The following EMILIN2 variants were observed in gnomAD, a reference collection of about 807,000 sequenced individuals.
EMILIN2 encodes the protein EMILIN-2.
A neutral mutation model predicts 87.1 loss-of-function variants in EMILIN2; 71 were observed. That is an observed-to-expected ratio of 0.82 (90% CI 0.67 to 0.99). EMILIN2 has a LOEUF of 0.99. Ranked by LOEUF, EMILIN2 falls within the 50% of genes least tolerant of loss-of-function variation. EMILIN2 has a pLI of 0.00. For synonymous variants in EMILIN2, 581 were observed against 563.4 expected (o/e 1.03, Z -0.44); for missense variants, 1,407 against 1,371.8 (o/e 1.03, Z -0.40).
chr18:2,858,691 A>G (rs1165396926), intron 2 of EMILIN2, among the ~76,000 whole-genome samples: 1 of 148,470 alleles, frequency 6.7e-6, no homozygotes, highest in African/African-American at 2.5e-5. Flanking sequence ...TCTGGAGTGC[A>G]GTGGCGCCAT....
At chr18:2,869,918 T>G (rs679153) in intron 2 of EMILIN2, among the ~76,000 whole-genome samples, 71,483 of 151,814 alleles carry the variant, frequency 0.47, 17,136 homozygotes, top group Admixed American at 0.51. Flanking sequence ...GAACAACTGA[T>G]ATGGGAAATA....
rs1157815795 is a variant in EMILIN2 at position 2,848,456 on chromosome 18, T to C, written c.257+525T>C. Among the ~76,000 whole-genome samples, 2 of 152,162 alleles carry C rather than the reference T, an allele frequency of 1.3e-5. No individual in the cohort carries two copies. The highest frequency in any genetic ancestry group is 3.9e-4 in the East Asian group (2 of 5,194). On this transcript the variant is annotated intron_variant, in intron 2 of 7. Coordinates refer to ENST00000254528, the MANE Select transcript of EMILIN2 (RefSeq NM_032048.3). This position sits in a 1 kb window ranked among gnomAD's most constrained non-coding sequence, Gnocchi z 4.1. ...CTAAGCTAAAACCTCAGGAACACTTTGCTTAAAAGTGTGGCTCCCCAGCAT... is the reference window on the plus strand; with the variant it reads ...CTAAGCTAAAACCTCAGGAACACTTCGCTTAAAAGTGTGGCTCCCCAGCAT...
chr18:2,910,701 G>A (rs1458319727), intron 7 of EMILIN2, among the ~76,000 whole-genome samples: 3 of 152,170 alleles, frequency 2.0e-5, no homozygotes, highest in East Asian at 3.9e-4. Context: ...GGGAGGGAGG[G>A]GGACTTGGTT....
intron 3 of EMILIN2, among the ~76,000 whole-genome samples, chr18:2,886,031 G>A (rs1175228076): frequency 1.3e-5 from 2 of 152,112 alleles, no homozygotes; most frequent in Admixed American, 6.6e-5. Flanking sequence ...AATATTTAAG[G>A]ATACATAATC....
intron 2 of EMILIN2, among the ~76,000 whole-genome samples, chr18:2,858,761 G>T (rs1396998480): frequency 6.7e-6 from 1 of 150,314 alleles, no homozygotes; most frequent in Non-Finnish European, 1.5e-5. Context: ...TCAGCCTCCC[G>T]AGTAGCTGGG....
chr18:2,907,171 G>T, intron 5 of EMILIN2, 86 bp downstream of exon 5: 2 of 1,205,606 alleles, frequency 1.7e-6, no homozygotes, highest in Non-Finnish European at 2.1e-6. Context: ...GGGCGTGGCG[G>T]TTCGGGGTCC....
At chr18:2,893,226 T>C (rs1468220846) in intron 4 of EMILIN2, among the ~76,000 whole-genome samples, 10 of 152,200 alleles carry the variant, frequency 6.6e-5, no homozygotes, top group Admixed American at 5.2e-4. Context: ...GGTCAGATTT[T>C]TGGCATAACA....
intron 4 of EMILIN2, among the ~76,000 whole-genome samples, chr18:2,899,282 G>GT (rs1331499832): frequency 3.3e-5 from 5 of 152,160 alleles, no homozygotes; most frequent in African/African-American, 4.8e-5. Context: ...GAAAGAGGAG[G>GT]TGGGGGGGAG....
chr18:2,876,644 T>C (rs2076749995), intron 2 of EMILIN2, among the ~76,000 whole-genome samples: 1 of 147,782 alleles, frequency 6.8e-6, no homozygotes, highest in South Asian at 2.4e-4. Context: ...CGGGCGCCTG[T>C]AGTCCCAGCT....
chr18:2,886,039 ATC>A (rs2076801962), intron 3 of EMILIN2, among the ~76,000 whole-genome samples: 1 of 152,274 alleles, frequency 6.6e-6, no homozygotes, highest in South Asian at 2.1e-4. Context: ...AGGATACATA[ATC>A]TCATGACTAA....
rs569186778 is a variant in EMILIN2, at chr18:2,867,395, C to G, written c.258-17569C>G. Among the ~76,000 whole-genome samples, 251 of 151,692 alleles carry G rather than the reference C, an allele frequency of 1.7e-3. 1 individual carries two copies. Among genetic ancestry groups the G allele is most frequent in the African/African-American group, 5.4e-3 (221 of 41,290 alleles). ...ATTGATCATTCTTGGGTGTTTCTCG[C>G]AGAGGGGGATTTGGCAGGGTCATAG... On this transcript the variant is annotated intron_variant, in intron 2 of 7. Coordinates refer to ENST00000254528, the MANE Select transcript of EMILIN2 (RefSeq NM_032048.3).
intron 3 of EMILIN2, among the ~76,000 whole-genome samples, chr18:2,889,247 T>C (rs1388287317): frequency 1.3e-4 from 20 of 151,174 alleles, no homozygotes; most frequent in Non-Finnish European, 2.7e-4. Flanking sequence ...AAGCGATTTT[T>C]CTGTCTCAGC....
rs769344079 is a variant in EMILIN2, at chr18:2,847,797, C to T, written c.135-12C>T. 4.3e-6 allele frequency: 7 copies of T among 1,612,246 alleles called. No individual in the cohort carries two copies. Among genetic ancestry groups the T allele is most frequent in the East Asian group, 4.5e-5 (2 of 44,872 alleles). On this transcript the variant is annotated splice_polypyrimidine_tract_variant and intron_variant, in intron 1 of 7. Transcript: ENST00000254528. This position sits in a 1 kb window ranked among gnomAD's most constrained non-coding sequence, Gnocchi z 4.5. ...ACCCCGTGCCCCTCTCCCTCTCTCT[C>T]CTGCACCCCAGGAACTGGTGCGCCT...
intron 4 of EMILIN2, among the ~76,000 whole-genome samples, chr18:2,901,976 A>T (rs2076889971): frequency 6.6e-6 from 1 of 152,220 alleles, no homozygotes; most frequent in Admixed American, 6.5e-5. Flanking sequence ...GGACTCCCCA[A>T]GGAGATCCAC....
At position 2,847,793 on chromosome 18, in the gene EMILIN2, C is replaced by T. The variant is rs759243205; in HGVS notation, c.135-16C>T. The T allele has an allele frequency of 6.2e-6, 10 of 1,611,728 alleles. No individual in the cohort carries two copies. Among genetic ancestry groups the T allele is most frequent in the Non-Finnish European group, 7.6e-6 (9 of 1,179,544 alleles). ...GTTTACCCCGTGCCCCTCTCCCTCT[C>T]TCTCCTGCACCCCAGGAACTGGTGC... On this transcript the variant is annotated splice_polypyrimidine_tract_variant and intron_variant, in intron 1 of 7. Coordinates refer to ENST00000254528, the MANE Select transcript of EMILIN2 (RefSeq NM_032048.3). This position sits in a 1 kb window ranked among gnomAD's most constrained non-coding sequence, Gnocchi z 4.5.
chr18:2,900,626 G>C (rs892121257), intron 4 of EMILIN2, among the ~76,000 whole-genome samples: 1 of 152,000 alleles, frequency 6.6e-6, no homozygotes, highest in Non-Finnish European at 1.5e-5. Context: ...TCCCGCAGGG[G>C]AGACCAACTG....
intron 4 of EMILIN2, among the ~76,000 whole-genome samples, chr18:2,904,420 G>T (rs1475002320): frequency 6.6e-6 from 1 of 151,946 alleles, no homozygotes; most frequent in African/African-American, 2.4e-5. Context: ...CTTTTTTTCT[G>T]GAAGGACTTC....
At chr18:2,885,209 T>C (rs1298979771) in intron 3 of EMILIN2, 70 bp downstream of exon 3, 2 of 1,478,612 alleles carry the variant, frequency 1.4e-6, no homozygotes, top group Non-Finnish European at 1.8e-6. Context: ...AACAACAGGA[T>C]TTGTGCTTTA....
intron 2 of EMILIN2, among the ~76,000 whole-genome samples, chr18:2,852,225 AC>A (rs1363927645): frequency 2.6e-5 from 4 of 152,198 alleles, no homozygotes; most frequent in Admixed American, 2.6e-4. Context: ...TTTGCCTATG[AC>A]GCATGAACTA....
Sources: allele counts gnomAD v4.1 joint callset (sites outside exome capture counted in the v4.1 genomes callset), GRCh38; gene constraint gnomAD v4.1.1; non-coding constraint Gnocchi (gnomAD v3.1); transcripts MANE v1.5; gene names NCBI Gene and HGNC (gene_info 2026-07-23, HGNC 2026-07-21).